The following CENPW variants were observed in gnomAD, a reference collection of about 807,000 sequenced individuals.
The protein encoded by CENPW is cancer-up-regulated gene 2 protein.
In CENPW, 3 loss-of-function variants were observed where a neutral mutation model predicts 11.1. That is an observed-to-expected ratio of 0.27 (90% confidence interval 0.12 to 0.70). CENPW has a LOEUF of 0.70. Ranked by LOEUF, CENPW falls within the 30% of genes least tolerant of loss-of-function variation. The pLI, the probability that CENPW is intolerant of heterozygous loss-of-function variation, is 0.77. For synonymous variants in CENPW, 38 were observed against 42.0 expected, an observed-to-expected ratio of 0.91 and a Z score of 0.37; for missense variants, 100 against 105.6, an observed-to-expected ratio of 0.95 and a Z score of 0.23.
At chr6:126,354,593 T>A in the CENPW span, among the ~76,000 whole-genome samples, 1 of 152,142 alleles carries the variant, frequency 6.6e-6, no homozygotes, top group Non-Finnish European at 1.5e-5. Flanking sequence ...TAATTAAAAG[T>A]GCTAGGTCTC....
chr6:126,413,410 C>T, the CENPW span, among the ~76,000 whole-genome samples: 50 of 152,056 alleles, frequency 3.3e-4, no homozygotes, highest in Non-Finnish European at 2.5e-4. Flanking sequence ...ACCTTATATG[C>T]CAGGAGAAAA....
chr6:126,470,750 A>G, the CENPW span, among the ~76,000 whole-genome samples: 2 of 152,344 alleles, frequency 1.3e-5, no homozygotes, highest in African/African-American at 2.4e-5. Flanking sequence ...TTGCTTCACC[A>G]TGTCCTGGGT....
At chr6:126,474,717 A>G in the CENPW span, among the ~76,000 whole-genome samples, 1 of 152,114 alleles carries the variant, frequency 6.6e-6, no homozygotes, top group East Asian at 1.9e-4. Flanking sequence ...AGCACACCAG[A>G]TCTATTTCCT....
the CENPW span, among the ~76,000 whole-genome samples, chr6:126,385,354 C>A: frequency 6.6e-6 from 1 of 152,110 alleles, no homozygotes; most frequent in Admixed American, 6.5e-5. Flanking sequence ...ATGAAATTAA[C>A]CTAAATGCCC....
At chr6:126,354,304 C>T in the CENPW span, among the ~76,000 whole-genome samples, 1 of 152,084 alleles carries the variant, frequency 6.6e-6, no homozygotes, top group Admixed American at 6.6e-5. Context: ...ACCCCTGGCC[C>T]TCCAGGTGTT....
At chr6:126,375,479 T>C in the CENPW span, among the ~76,000 whole-genome samples, 3 of 152,132 alleles carry the variant, frequency 2.0e-5, no homozygotes, top group African/African-American at 7.2e-5. Context: ...TACTCCATGG[T>C]GATGATGGCA....
the CENPW span, among the ~76,000 whole-genome samples, chr6:126,404,217 A>G: frequency 6.6e-6 from 1 of 152,198 alleles, no homozygotes; most frequent in African/African-American, 2.4e-5. Flanking sequence ...AGAGATATAA[A>G]AGATTAATGT....
the CENPW span, among the ~76,000 whole-genome samples, chr6:126,393,501 T>A: frequency 2.0e-5 from 3 of 151,590 alleles, no homozygotes; most frequent in Non-Finnish European, 4.4e-5. Context: ...TTTATTTCAA[T>A]AAATTTTTCT....
the CENPW span, among the ~76,000 whole-genome samples, chr6:126,408,624 A>G: frequency 5.9e-5 from 9 of 152,112 alleles, no homozygotes; most frequent in African/African-American, 2.2e-4. Flanking sequence ...GCAGATTGAA[A>G]TGGGAGATTT....
the CENPW span, among the ~76,000 whole-genome samples, chr6:126,359,405 T>G: frequency 6.6e-6 from 1 of 152,256 alleles, no homozygotes. Flanking sequence ...CTGTGATTTT[T>G]GGGTAGGTTA....
the CENPW span, among the ~76,000 whole-genome samples, chr6:126,366,066 A>G: frequency 1.3e-5 from 2 of 152,238 alleles, no homozygotes; most frequent in Admixed American, 6.5e-5. Flanking sequence ...ATTGTGAAAC[A>G]TAATTACTAA....
At chr6:126,347,729 A>G (rs1401582614) in intron 2 of CENPW, among the ~76,000 whole-genome samples, 1 of 152,056 alleles carries the variant, frequency 6.6e-6, no homozygotes, top group Non-Finnish European at 1.5e-5. Context: ...AAGGCTTAAG[A>G]TATTGAAGAA....
At chr6:126,435,128 C>A in the CENPW span, among the ~76,000 whole-genome samples, 1 of 151,886 alleles carries the variant, frequency 6.6e-6, no homozygotes, top group Non-Finnish European at 1.5e-5. Flanking sequence ...GCCTTCCATT[C>A]GAAGACAGTA....
the CENPW span, among the ~76,000 whole-genome samples, chr6:126,380,122 T>G: frequency 1.3e-5 from 2 of 152,190 alleles, 1 homozygote; most frequent in Admixed American, 1.3e-4. Context: ...AACTCCAATT[T>G]GGAACAGAGA....
chr6:126,482,406 G>A, the CENPW span, among the ~76,000 whole-genome samples: 4 of 151,764 alleles, frequency 2.6e-5, no homozygotes, highest in Non-Finnish European at 4.4e-5. Flanking sequence ...TATGGTAAGT[G>A]CTATTTATAT....
rs1161671920 is a variant in CENPW, at chr6:126,340,461, T to G, written c.126+62T>G. ...ACGGGAGAGGTAAGGGCAATAACCT[T>G]AAGCCTTTGTTTTTCCGCCCCGAGC... On this transcript the variant is annotated intron_variant, in intron 1 of 2. Transcript: ENST00000368328. The G allele has an allele frequency of 3.1e-6, 5 of 1,611,774 alleles. No homozygotes were observed. In the East Asian group the frequency reaches 1.1e-4, roughly 36 times the overall value.
In CENPW at chr6:126,340,296, C is replaced by T. The variant is rs142786698; in HGVS notation, c.23C>T (p.Ser8Phe). The part of the protein sequence containing the change: MALSTIV[S>F]QRKQIKRKAP... Reference sequence around the variant, plus strand: ...AGGATGGCGCTGTCGACCATAGTCTCCCAGAGGAAGCAGATAAAGCGGAAG... The same window carrying T: ...AGGATGGCGCTGTCGACCATAGTCTTCCAGAGGAAGCAGATAAAGCGGAAG... The change falls in exon 1 of 3, where the codon TCC becomes TTC. Residue 8 changes from serine (S) to phenylalanine (F), a missense_variant. Ser to Phe is a radical substitution (Grantham distance 155). Transcript: ENST00000368328. The T allele has an allele frequency of 1.1e-5, 17 of 1,613,716 alleles. No homozygotes were observed. The African/African-American group carries it at 2.3e-4, about 22-fold the overall frequency.
At chr6:126,362,047 C>T in the CENPW span, among the ~76,000 whole-genome samples, 1 of 152,138 alleles carries the variant, frequency 6.6e-6, no homozygotes, top group Non-Finnish European at 1.5e-5. Flanking sequence ...GGAGGCTGCT[C>T]TGTGCACACA....
At chr6:126,446,103 A>G in the CENPW span, among the ~76,000 whole-genome samples, 1 of 151,222 alleles carries the variant, frequency 6.6e-6, no homozygotes, top group Non-Finnish European at 1.5e-5. Flanking sequence ...TGAATTAAGT[A>G]GAAATGAACT....
Sources: gnomAD v4.1 joint callset for allele counts (sites outside exome capture counted in the v4.1 genomes callset) on GRCh38, gnomAD v4.1.1 for gene constraint, MANE v1.5 for transcripts, NCBI Gene and HGNC (gene_info 2026-07-23, HGNC 2026-07-21) for gene names.